Variants in CSN2 observed in about 807,000 individuals in gnomAD.
The protein encoded by CSN2 is beta-casein.
A neutral mutation model predicts 27.3 loss-of-function variants in CSN2; 27 were observed. The observed-to-expected ratio is 0.99, with a 90% CI of 0.73 to 1.36. The LOEUF (loss-of-function observed/expected upper bound fraction) is 1.36. Ranked by LOEUF, CSN2 falls within the 40% of genes most tolerant of loss-of-function variation. The pLI is 0.00. For synonymous variants in CSN2, 131 were observed against 94.8 expected, an observed-to-expected ratio of 1.38 and a Z score of -2.22; for missense variants, 333 against 264.5, an observed-to-expected ratio of 1.26 and a Z score of -1.80.
intron 6 of CSN2, 27 bp from the exon 7 acceptor site, chr4:69,956,382 T>C (rs1189027101): frequency 1.8e-5 from 24 of 1,360,306 alleles, no homozygotes; most frequent in Non-Finnish European, 2.2e-5. Context: ...TACAAATAAA[T>C]AAATAACCTC....
In CSN2 at chr4:69,960,091, A is replaced by T. The variant is rs986023617; in HGVS notation, c.52-12T>A. 9 of 1,610,304 alleles carry T rather than the reference A, an allele frequency of 5.6e-6. No individual in the cohort carries two copies. Among genetic ancestry groups the T allele is most frequent in the African/African-American group, 1.3e-5 (1 of 74,760 alleles). On this transcript the variant is annotated splice_polypyrimidine_tract_variant and intron_variant, in intron 2 of 7. Transcript: ENST00000353151. ...AGGCTTTCTATGGTCTGTGGGAAAA[A>T]AAAATTGACAACCAGCTAAATCTTC... is the stretch of plus-strand genomic sequence containing the variant.
chr4:69,957,027 T>C (rs1225783907), intron 6 of CSN2, among the ~76,000 whole-genome samples: 1 of 152,020 alleles, frequency 6.6e-6, no homozygotes. Flanking sequence ...GGGGTAGGGA[T>C]AGCATTAGGA....
At chr4:69,964,460 T>TA (rs1344802553) in intron 1 of CSN2, among the ~76,000 whole-genome samples, 5 of 152,088 alleles carry the variant, frequency 3.3e-5, no homozygotes, top group African/African-American at 1.2e-4. Flanking sequence ...ATTTTTGAAC[T>TA]AAAATACTTC....
At chr4:69,962,270 T>G (rs1219855680) in intron 1 of CSN2, among the ~76,000 whole-genome samples, 1 of 152,048 alleles carries the variant, frequency 6.6e-6, no homozygotes, top group Non-Finnish European at 1.5e-5. Context: ...GAGGCCACAT[T>G]GCCAAGTAAA....
chr4:69,956,948 A>G (rs539237698), intron 6 of CSN2, among the ~76,000 whole-genome samples: 10 of 152,234 alleles, frequency 6.6e-5, no homozygotes, highest in Admixed American at 2.0e-4. Context: ...AGAATCACTT[A>G]TCTATGAGAA....
At chr4:69,964,435 C>CAATTTTTGAACTA (rs1245963477) in intron 1 of CSN2, among the ~76,000 whole-genome samples, 2 of 151,952 alleles carry the variant, frequency 1.3e-5, no homozygotes, top group Non-Finnish European at 2.9e-5. Context: ...TATTGAAACT[C>CAATTTTTGAACTA]AATTTTTGAA....
At chr4:69,960,162 C>A in intron 2 of CSN2, 83 bp from the exon 3 acceptor site, 1 of 1,315,292 alleles carries the variant, frequency 7.6e-7, no homozygotes, top group South Asian at 1.2e-5. Context: ...TAAATTTTCT[C>A]TAAAAAAATA....
intron 5 of CSN2, among the ~76,000 whole-genome samples, chr4:69,958,469 C>T (rs1723472104): frequency 6.6e-6 from 1 of 152,072 alleles, no homozygotes; most frequent in African/African-American, 2.4e-5. Flanking sequence ...GTAAACATAT[C>T]ACCATAAATG....
intron 1 of CSN2, among the ~76,000 whole-genome samples, chr4:69,961,977 T>C (rs1247177197): frequency 1.3e-5 from 2 of 152,098 alleles, no homozygotes; most frequent in Non-Finnish European, 2.9e-5. Context: ...TGAACTCCCA[T>C]TCAAAATTGC....
intron 5 of CSN2, among the ~76,000 whole-genome samples, chr4:69,958,209 G>A (rs780623239): frequency 2.6e-5 from 4 of 152,132 alleles, no homozygotes; most frequent in Non-Finnish European, 5.9e-5. Context: ...AAAAGACTTA[G>A]AGGGACAATT....
chr4:69,962,689 T>A (rs1342883974), intron 1 of CSN2, among the ~76,000 whole-genome samples: 4 of 152,144 alleles, frequency 2.6e-5, no homozygotes, highest in African/African-American at 9.7e-5. Context: ...GGACTTCATG[T>A]GTAAAAGACC....
chr4:69,958,324 C>A (rs1723468158), intron 5 of CSN2, among the ~76,000 whole-genome samples: 1 of 152,112 alleles, frequency 6.6e-6, no homozygotes, highest in Non-Finnish European at 1.5e-5. Context: ...TTCTTACATT[C>A]CTTCCCTTGG....
At chr4:69,963,191 A>T (rs557637981) in intron 1 of CSN2, among the ~76,000 whole-genome samples, 2 of 152,308 alleles carry the variant, frequency 1.3e-5, no homozygotes, top group East Asian at 3.9e-4. Flanking sequence ...TTCCTCAGGG[A>T]TCTAGAGCTA....
intron 1 of CSN2, among the ~76,000 whole-genome samples, chr4:69,964,571 A>G (rs1723734256): frequency 6.6e-6 from 1 of 151,758 alleles, no homozygotes; most frequent in South Asian, 2.1e-4. Context: ...TAGATTTTTT[A>G]TGAATGTTAA....
intron 4 of CSN2, 41 bp from the exon 5 acceptor site, chr4:69,958,994 A>G: frequency 6.4e-7 from 1 of 1,556,658 alleles, no homozygotes; most frequent in African/African-American, 1.4e-5. Flanking sequence ...ACCATCTGTA[A>G]AGATTAAAAG....
rs1393051287 is a variant in CSN2, at chr4:69,960,944, C to G, written c.51+1G>C. 1 of 1,612,354 alleles carries G rather than the reference C, an allele frequency of 6.2e-7. No homozygotes were observed. Among genetic ancestry groups the G allele is most frequent in the African/African-American group, 1.3e-5 (1 of 74,850 alleles). ...TTAGGAATTTTTTCTTGTGCACATA[C>G]CTCCCTTGCAAGAGCAAGAGCCACC... is the stretch of plus-strand genomic sequence containing the variant. On this transcript the variant is annotated splice_donor_variant, in intron 2 of 7. Transcript: ENST00000353151. LOFTEE classifies it high-confidence loss of function.
intron 1 of CSN2, among the ~76,000 whole-genome samples, 193 bp downstream of exon 1, chr4:69,965,488 A>G (rs966547855): frequency 6.8e-6 from 1 of 147,062 alleles, no homozygotes; most frequent in Non-Finnish European, 1.5e-5. Flanking sequence ...CATGAAGGCT[A>G]TATGTCATTA....
At position 69,960,925 on chromosome 4, in the gene CSN2, A is replaced by T. The variant is rs745913926; in HGVS notation, c.51+20T>A. On this transcript the variant is annotated intron_variant, in intron 2 of 7. Coordinates refer to ENST00000353151, the MANE Select transcript of CSN2 (RefSeq NM_001891.4). Reference sequence around the variant, plus strand: ...TCCACTATTTATTGATTGTTTAGGAATTTTTTCTTGTGCACATACCTCCCT... The same window carrying T: ...TCCACTATTTATTGATTGTTTAGGATTTTTTTCTTGTGCACATACCTCCCT... 1.2e-6 allele frequency: 2 copies of T among 1,610,238 alleles called. No homozygotes were observed. The highest frequency in any genetic ancestry group is 1.3e-5 in the African/African-American group (1 of 74,832).
At position 69,960,088 on chromosome 4, in the gene CSN2, AAAAAAAATTGACAACCAGCT is replaced by A. The variant is rs775466312; in HGVS notation, c.52-29_52-10del. The stretch of plus-strand genomic sequence containing the variant: ...GAAAGGCTTTCTATGGTCTGTGGGA[AAAAAAAATTGACAACCAGCT>A]AAATCTTCTAGATCATTAGAGAATT... On this transcript the variant is annotated splice_polypyrimidine_tract_variant and intron_variant, in intron 2 of 7. Coordinates refer to ENST00000353151, the MANE Select transcript of CSN2 (RefSeq NM_001891.4). 1 of 1,610,582 alleles carries A rather than the reference AAAAAAAATTGACAACCAGCT, an allele frequency of 6.2e-7. No homozygotes were observed. The highest frequency in any genetic ancestry group is 8.5e-7 in the Non-Finnish European group (1 of 1,177,872).
Sources: allele counts gnomAD v4.1 joint callset (sites outside exome capture counted in the v4.1 genomes callset), GRCh38; gene constraint gnomAD v4.1.1; transcripts MANE v1.5; gene names NCBI Gene and HGNC (gene_info 2026-07-23, HGNC 2026-07-21).